Variants in VAV2 observed in about 807,000 individuals in gnomAD.
VAV2 encodes the protein vav guanine nucleotide exchange factor 2, also known as guanine nucleotide exchange factor VAV2.
VAV2 carries 67 observed loss-of-function variants against 132.5 expected under a neutral mutation model. The ratio of observed to expected loss-of-function variants is 0.51; its 90% CI spans 0.42 to 0.62. The LOEUF (loss-of-function observed/expected upper bound fraction) is 0.62, where lower values mean the gene tolerates loss of function less well. Among genes scored for constraint, VAV2 ranks in the 20% least tolerant of loss-of-function variants. The pLI, the probability that VAV2 is intolerant of heterozygous loss-of-function variation, is 0.00. For missense variants in VAV2, 938 were observed against 1,153.6 expected (o/e 0.81, Z 2.71); for synonymous variants, 492 against 443.5 (o/e 1.11, Z -1.37).
chr9:133,891,650 GGATGGAGGGGGAA>G (rs1838961312), intron 2 of VAV2, among the ~76,000 whole-genome samples: 1 of 12,598 alleles, frequency 7.9e-5, no homozygotes, highest in Non-Finnish European at 1.9e-4. Flanking sequence ...GATGGGGGAG[GGATGGAGGGGGAA>G]GCGGGAGGGA....
chr9:133,978,848 C>T (rs1029626033), intron 1 of VAV2, among the ~76,000 whole-genome samples: 4 of 152,370 alleles, frequency 2.6e-5, no homozygotes, highest in Admixed American at 6.5e-5. Context: ...AGCCAAACAG[C>T]GTCCCCAGCT....
intron 2 of VAV2, among the ~76,000 whole-genome samples, chr9:133,874,114 G>A (rs1184612227): frequency 2.6e-5 from 4 of 152,304 alleles, no homozygotes; most frequent in East Asian, 1.9e-4. Flanking sequence ...TCTCCACGCC[G>A]CCCTGCCCTG....
At chr9:133,946,255 C>T (rs146519212) in intron 1 of VAV2, among the ~76,000 whole-genome samples, 2 of 152,314 alleles carry the variant, frequency 1.3e-5, no homozygotes, top group African/African-American at 2.4e-5. Context: ...GGACACAGGC[C>T]GACAAGGGAC....
rs372133257 is a variant in VAV2 at position 133,977,235 on chromosome 9, C to T, written c.204+14840G>A. Among the ~76,000 whole-genome samples the T allele has an allele frequency of 4.3e-4, 65 of 152,330 alleles. No homozygotes were observed. In the South Asian group the frequency reaches 0.013, roughly 31 times the overall value. On this transcript the variant is annotated intron_variant, in intron 1 of 29. Coordinates refer to ENST00000371850, the MANE Select transcript of VAV2 (RefSeq NM_001134398.2). ...CCGGCATCCAATGGGTGCCTGGTGT[C>T]CATTTGAGGAGCAGCCCAGCAGCTG...
intron 2 of VAV2, among the ~76,000 whole-genome samples, chr9:133,880,873 G>A (rs1243129368): frequency 2.6e-5 from 4 of 152,360 alleles, no homozygotes; most frequent in Middle Eastern, 6.8e-3. Flanking sequence ...CAGCTTCTGC[G>A]GTCGGCCCTC....
At chr9:133,980,848 C>G (rs867880754) in intron 1 of VAV2, among the ~76,000 whole-genome samples, 1 of 152,170 alleles carries the variant, frequency 6.6e-6, no homozygotes, top group African/African-American at 2.4e-5. Flanking sequence ...ACTGTGGCAG[C>G]GCCTCCAGTC....
chr9:133,825,755 C>T (rs1376381769), intron 4 of VAV2, among the ~76,000 whole-genome samples: 1 of 152,128 alleles, frequency 6.6e-6, no homozygotes, highest in Non-Finnish European at 1.5e-5. Flanking sequence ...AAGGGCACAG[C>T]ACAGAGTGGC....
chr9:133,968,390 A>C (rs1842216069), intron 1 of VAV2, among the ~76,000 whole-genome samples: 1 of 152,212 alleles, frequency 6.6e-6, no homozygotes, highest in African/African-American at 2.4e-5. Flanking sequence ...CCAATTAAAT[A>C]AATAAATAAT....
At chr9:133,976,454 G>A (rs1472955110) in intron 1 of VAV2, among the ~76,000 whole-genome samples, 1 of 151,582 alleles carries the variant, frequency 6.6e-6, no homozygotes, top group African/African-American at 2.4e-5. Context: ...ACCCTAGATT[G>A]GAGCCCTAGT....
chr9:133,878,711 AG>A (rs1299983655), intron 2 of VAV2, among the ~76,000 whole-genome samples: 1 of 152,186 alleles, frequency 6.6e-6, no homozygotes, highest in African/African-American at 2.4e-5. Flanking sequence ...TCACAACCGC[AG>A]GGGGATCCCC....
At chr9:133,784,959 C>T (rs937251754) in intron 17 of VAV2, among the ~76,000 whole-genome samples, 2 of 152,120 alleles carry the variant, frequency 1.3e-5, no homozygotes, top group African/African-American at 4.8e-5. Context: ...TCCATGAACG[C>T]TTGAACTTTT....
intron 1 of VAV2, among the ~76,000 whole-genome samples, chr9:133,966,475 G>A (rs4744541): frequency 0.35 from 53,368 of 152,128 alleles, 9,828 homozygotes; most frequent in African/African-American, 0.45. Flanking sequence ...AGAGGCCGAG[G>A]CGGGAAGATG....
intron 1 of VAV2, among the ~76,000 whole-genome samples, chr9:133,948,884 G>A (rs1322125158): frequency 6.6e-6 from 1 of 152,238 alleles, no homozygotes; most frequent in Non-Finnish European, 1.5e-5. Flanking sequence ...GGTAGTGAGG[G>A]GAAGACCCAG....
chr9:133,838,856 T>C (rs1344514038), intron 3 of VAV2, among the ~76,000 whole-genome samples: 2 of 50,308 alleles, frequency 4.0e-5, no homozygotes, highest in Non-Finnish European at 7.9e-5. Flanking sequence ...GATGAATGGG[T>C]GGGTGGGTGG....
intron 1 of VAV2, among the ~76,000 whole-genome samples, chr9:133,949,944 A>T (rs1206701531): frequency 1.3e-5 from 2 of 152,208 alleles, no homozygotes; most frequent in African/African-American, 4.8e-5. Flanking sequence ...CTGATTTCCA[A>T]ACGAGCTCTG....
chr9:133,833,239 C>T lies in VAV2; in HGVS notation c.449+1033G>A, dbSNP rs1447847154. ...CAGGGATCCTGCGGAAAGTATTTTC[C>T]TGGGCCCTGCAAGCTAAAGGCAGCC... On this transcript the variant is annotated intron_variant, in intron 4 of 29. Coordinates refer to ENST00000371850, the MANE Select transcript of VAV2 (RefSeq NM_001134398.2). This position sits in a 1 kb window ranked among gnomAD's most constrained non-coding sequence, Gnocchi z 5.6. Among the ~76,000 whole-genome samples the T allele has an allele frequency of 1.3e-5, 2 of 152,164 alleles. No individual in the cohort carries two copies. Among genetic ancestry groups the T allele is most frequent in the Non-Finnish European group, 1.5e-5 (1 of 68,022 alleles).
intron 1 of VAV2, among the ~76,000 whole-genome samples, chr9:133,941,484 G>C (rs1588147677): frequency 6.6e-6 from 1 of 152,090 alleles, no homozygotes; most frequent in Non-Finnish European, 1.5e-5. Flanking sequence ...GCTACATGTG[G>C]CTAGTAACTG....
intron 2 of VAV2, among the ~76,000 whole-genome samples, chr9:133,924,922 A>T (rs1188471905): frequency 6.6e-6 from 1 of 152,290 alleles, no homozygotes; most frequent in Non-Finnish European, 1.5e-5. Flanking sequence ...TCCACAGCGC[A>T]GGTGAAACCT....
intron 3 of VAV2, among the ~76,000 whole-genome samples, chr9:133,843,075 G>A (rs1016931347): frequency 1.3e-5 from 2 of 152,146 alleles, no homozygotes; most frequent in African/African-American, 2.4e-5. Context: ...TTTCCTCAGC[G>A]CGCCATCCCA....
Sources: allele counts gnomAD v4.1 joint callset (sites outside exome capture counted in the v4.1 genomes callset), GRCh38; gene constraint gnomAD v4.1.1; non-coding constraint Gnocchi (gnomAD v3.1); transcripts MANE v1.5; gene names NCBI Gene and HGNC (gene_info 2026-07-23, HGNC 2026-07-21).